TENM1: variants seen among roughly 807,000 people sequenced by gnomAD.
TENM1 encodes teneurin transmembrane protein 1, also known as teneurin-1.
In TENM1, 35 loss-of-function variants were observed where a neutral mutation model predicts 174.8. The observed-to-expected ratio is 0.20, with a 90% CI of 0.15 to 0.27. The LOEUF is 0.27. TENM1 is among the 10% of genes least tolerant of loss of function. TENM1 has a pLI of 1.00. For synonymous variants in TENM1, 781 were observed against 798.7 expected (o/e 0.98, Z 0.37); for missense variants, 1,633 against 2,130.1 (o/e 0.77, Z 4.59).
At chrX:124,486,680 C>T (rs1255206498) in intron 21 of TENM1, among the ~76,000 whole-genome samples, 1 of 111,670 alleles carries the variant, frequency 9.0e-6, no homozygotes. Flanking sequence ...TGTCTGCAAA[C>T]GGTCAGTTTA....
the TENM1 span, among the ~76,000 whole-genome samples, chrX:125,150,217 G>A: frequency 4.5e-5 from 5 of 112,116 alleles, no homozygotes; most frequent in East Asian, 1.4e-3. Flanking sequence ...CTTACATGAA[G>A]CCAGTTACTG....
In TENM1 at chrX:124,392,435, A is replaced by T. The variant is rs981574884; in HGVS notation, c.5392-87T>A. 4.0e-5 allele frequency: 30 copies of T among 758,595 alleles called. No individual in the cohort carries two copies. In the African/African-American group the frequency reaches 5.3e-4, roughly 13 times the overall value. The allele number at this position is 758,595 out of a possible 1,213,427, so 62.5% of individuals were successfully genotyped here. A position where few individuals can be genotyped will look rare whatever the true frequency, so the allele number is the denominator to read the frequency against. ...GACAATCATGAATCCTTTCCTGATT[A>T]TCCAACGATAGAGTCTGTCTTGCCT... On this transcript the variant is annotated intron_variant, in intron 27 of 31. Coordinates refer to ENST00000422452, the Ensembl canonical transcript of TENM1.
In TENM1 at chrX:124,820,617, ACT is replaced by A. The variant is rs1179887336; in HGVS notation, c.535+73677_535+73678del. On this transcript the variant is annotated intron_variant, in intron 3 of 31. Transcript: ENST00000422452. Reference sequence around the variant, plus strand: ...CACACTTGTACTGTTTAGTCTCAGTACTCTGCATTCTCTCAATGTAAGTAAGC... The same window carrying A: ...CACACTTGTACTGTTTAGTCTCAGTACTGCATTCTCTCAATGTAAGTAAGC... Among the ~76,000 whole-genome samples the A allele has an allele frequency of 4.5e-5, 5 of 112,354 alleles. No homozygotes were observed. In the Admixed American group the frequency reaches 4.7e-4, roughly 11 times the overall value.
At chrX:124,600,107 A>G (rs2049994821) in intron 11 of TENM1, among the ~76,000 whole-genome samples, 1 of 110,550 alleles carries the variant, frequency 9.0e-6, no homozygotes, top group Non-Finnish European at 1.9e-5. Context: ...TGGGAATAGC[A>G]ATACCCCAAT....
intron 4 of TENM1, among the ~76,000 whole-genome samples, chrX:124,730,150 G>GT (rs1320756369): frequency 1.8e-5 from 2 of 111,185 alleles, no homozygotes; most frequent in Non-Finnish European, 3.8e-5. Context: ...GATTACAGGT[G>GT]TGAGCCACCG....
At chrX:124,517,865 T>C (rs1373562273) in intron 18 of TENM1, among the ~76,000 whole-genome samples, 5 of 109,868 alleles carry the variant, frequency 4.6e-5, no homozygotes, top group African/African-American at 1.3e-4. Flanking sequence ...TAAGGACCTA[T>C]AGAGAAAAAT....
chrX:124,505,899 A>G (rs2047437093), intron 18 of TENM1, among the ~76,000 whole-genome samples: 1 of 111,385 alleles, frequency 9.0e-6, no homozygotes, highest in African/African-American at 3.3e-5. Flanking sequence ...TTTCTAGATT[A>G]CATTTGGTAA....
chrX:125,165,819 T>C, the TENM1 span, among the ~76,000 whole-genome samples: 1 of 111,740 alleles, frequency 8.9e-6, no homozygotes, highest in Non-Finnish European at 1.9e-5. Flanking sequence ...ATGGTTGGCC[T>C]GAGTTACTTT....
At chrX:124,772,808 C>T in intron 3 of TENM1, among the ~76,000 whole-genome samples, 1 of 111,440 alleles carries the variant, frequency 9.0e-6, no homozygotes, top group African/African-American at 3.3e-5. Flanking sequence ...GTGCAGACCT[C>T]AGTTTGCAGG....
chrX:125,120,446 CT>C, the TENM1 span, among the ~76,000 whole-genome samples: 8 of 110,798 alleles, frequency 7.2e-5, no homozygotes, highest in African/African-American at 2.6e-4. Flanking sequence ...TGCATCAGCT[CT>C]TTTACCTAAT....
At chrX:124,994,123 AGG>A in the TENM1 span, among the ~76,000 whole-genome samples, 52 of 109,138 alleles carry the variant, frequency 4.8e-4, 1 homozygote, top group Admixed American at 5.1e-3. Flanking sequence ...TAATACATAT[AGG>A]TATATCCCCC....
chrX:125,073,629 G>A, the TENM1 span, among the ~76,000 whole-genome samples: 1 of 110,561 alleles, frequency 9.0e-6, no homozygotes, highest in African/African-American at 3.3e-5. Flanking sequence ...GTCTTTCTGT[G>A]GCATTGTAGG....
intron 1 of TENM1, among the ~76,000 whole-genome samples, chrX:124,948,092 A>G (rs1226820592): frequency 3.6e-5 from 4 of 112,478 alleles, no homozygotes; most frequent in African/African-American, 9.7e-5. Context: ...CAGTTCCTGA[A>G]CTTCACAATA....
chrX:124,899,456 ATGCTGGGATTACAGG>A (rs984781726), intron 1 of TENM1, among the ~76,000 whole-genome samples: 63 of 111,236 alleles, frequency 5.7e-4, no homozygotes, highest in African/African-American at 2.0e-3. Flanking sequence ...GCCTTTCAAA[ATGCTGGGATTACAGG>A]TGTGAGCCAC....
chrX:124,836,139 A>G (rs998581198), intron 3 of TENM1, among the ~76,000 whole-genome samples: 1 of 112,112 alleles, frequency 8.9e-6, no homozygotes, highest in South Asian at 3.7e-4. Flanking sequence ...ATGCTATATC[A>G]TTCCCTATGT....
At chrX:124,668,564 C>T (rs770308075) in intron 6 of TENM1, among the ~76,000 whole-genome samples, 7 of 111,211 alleles carry the variant, frequency 6.3e-5, no homozygotes, top group African/African-American at 2.0e-4. Context: ...ATGGATGAAG[C>T]GGGAAACCGT....
chrX:125,024,184 A>G, the TENM1 span, among the ~76,000 whole-genome samples: 1 of 111,384 alleles, frequency 9.0e-6, no homozygotes, highest in African/African-American at 3.3e-5. Flanking sequence ...TTCTCATGTA[A>G]CTACCATTCA....
chrX:125,153,185 G>C, the TENM1 span, among the ~76,000 whole-genome samples: 1 of 111,678 alleles, frequency 9.0e-6, no homozygotes, highest in Non-Finnish European at 1.9e-5. Flanking sequence ...TATGACTTTG[G>C]GGGAGGGGAA....
intron 5 of TENM1, among the ~76,000 whole-genome samples, chrX:124,676,261 T>C (rs1397664921): frequency 7.9e-4 from 1 of 1,269 alleles, no homozygotes; most frequent in Non-Finnish European, 1.3e-3. Flanking sequence ...ATATAAAATA[T>C]ATATATATAT....
Sources: allele counts gnomAD v4.1 joint callset (sites outside exome capture counted in the v4.1 genomes callset), GRCh38; gene constraint gnomAD v4.1.1; transcripts MANE v1.5; gene names NCBI Gene and HGNC (gene_info 2026-07-23, HGNC 2026-07-21).